ADSL: variants seen among roughly 807,000 people sequenced by gnomAD.
ADSL encodes adenylosuccinase.
ADSL carries 44 observed loss-of-function variants against 62.1 expected under a neutral mutation model. The ratio of observed to expected loss-of-function variants is 0.71; its 90% CI spans 0.56 to 0.91. The LOEUF is 0.91. Among genes scored for constraint, ADSL ranks in the 40% least tolerant of loss-of-function variants. The pLI is 0.00. For synonymous variants in ADSL, 198 were observed against 220.5 expected, an observed-to-expected ratio of 0.90 and a Z score of 0.90; for missense variants, 531 against 627.4, an observed-to-expected ratio of 0.85 and a Z score of 1.64.
At chr22:40,377,252 A>T (rs1601721233) in intron 2 of ADSL, among the ~76,000 whole-genome samples, 2 of 152,222 alleles carry the variant, frequency 1.3e-5, no homozygotes, top group African/African-American at 4.8e-5. Context: ...AGGCAAATAG[A>T]TGCTTTCCTC....
intron 2 of ADSL, among the ~76,000 whole-genome samples, chr22:40,351,671 A>G (rs974575632): frequency 3.3e-5 from 5 of 152,126 alleles, no homozygotes; most frequent in Non-Finnish European, 5.9e-5. Flanking sequence ...TAAACGTCCA[A>G]TTTGAGAATA....
rs1466301003 is a variant in ADSL, at chr22:40,368,722, T to C, written c.*2200T>C. ...CAGGTGGATCACCTGAGGTCAGGAG[T>C]TCGAGACCAGCTTGACCGACAAGGT... On this transcript the variant is annotated 3_prime_UTR_variant, in exon 13 of 13. Transcript: ENST00000623063. The C allele has an allele frequency of 6.6e-6, 1 of 151,858 alleles. No individual in the cohort carries two copies. Among genetic ancestry groups the C allele is most frequent in the Non-Finnish European group, 1.5e-5 (1 of 68,028 alleles). The allele number at this position is 151,858 out of a possible 1,614,324, so 9.4% of individuals were successfully genotyped here.
At position 40,367,044 on chromosome 22, in the gene ADSL, C is replaced by G. The variant is rs2045028747; in HGVS notation, c.*522C>G. On this transcript the variant is annotated 3_prime_UTR_variant, in exon 13 of 13. Coordinates refer to ENST00000623063, the MANE Select transcript of ADSL (RefSeq NM_000026.4). The stretch of plus-strand genomic sequence containing the variant: ...TCAGGCTGATTGAGCTGAAGTTGTG[C>G]CCAAGCTCATTTCATCTTTTGATAA... 1 of 163,654 alleles carries G rather than the reference C, an allele frequency of 6.1e-6. No individual in the cohort carries two copies. The highest frequency in any genetic ancestry group is 2.4e-5 in the African/African-American group (1 of 41,174). The allele number at this position is 163,654 out of a possible 1,614,324, so 10.1% of individuals were successfully genotyped here. A position where few individuals can be genotyped will look rare whatever the true frequency, so the allele number is the denominator to read the frequency against.
chr22:40,346,576 T>A lies in ADSL; in HGVS notation c.18T>A (p.Asp6Glu), dbSNP rs756636478. 1.1e-5 allele frequency: 18 copies of A among 1,605,610 alleles called. No homozygotes were observed. Among genetic ancestry groups the A allele is most frequent in the Non-Finnish European group, 1.4e-5 (17 of 1,177,212 alleles). ...GGGTTGGGATGGCGGCTGGAGGCGATCATGGTTCGCCCGACAGCTACCGCT... is the reference window on the plus strand; with the variant it reads ...GGGTTGGGATGGCGGCTGGAGGCGAACATGGTTCGCCCGACAGCTACCGCT... MAAGG[D>E]HGSPDSYRSP... is the part of the protein sequence containing the mutation. Residue 6 changes from aspartate to glutamate, a missense_variant, in exon 1 of 13, where the codon GAT becomes GAA. Asp to Glu is a conservative substitution (Grantham distance 45, BLOSUM62 2). Coordinates refer to ENST00000623063, the MANE Select transcript of ADSL (RefSeq NM_000026.4).
At chr22:40,376,249 T>C (rs532124721) in intron 2 of ADSL, 2 of 128,952 alleles carry the variant, frequency 1.6e-5, no homozygotes, top group East Asian at 4.8e-4. Context: ...GCACCAACAA[T>C]GAAGTTCAAC....
intron 2 of ADSL, among the ~76,000 whole-genome samples, chr22:40,375,004 T>G (rs891005046): frequency 3.3e-5 from 5 of 152,218 alleles, no homozygotes; most frequent in Non-Finnish European, 5.9e-5. Context: ...GCTACATATA[T>G]AATCACCTCC....
At chr22:40,354,855 C>A (rs539223966) in intron 4 of ADSL, among the ~76,000 whole-genome samples, 111 of 135,918 alleles carry the variant, frequency 8.2e-4, no homozygotes, top group South Asian at 1.6e-3. Context: ...GGTGACAGAG[C>A]AAGACTCCGT....
In ADSL at chr22:40,367,620, T is replaced by A. The variant is rs199650962; in HGVS notation, c.*1098T>A. 6.0e-6 allele frequency: 1 copy of A among 167,226 alleles called. No individual in the cohort carries two copies. Among genetic ancestry groups the A allele is most frequent in the Admixed American group, 6.5e-5 (1 of 15,290 alleles). The allele number at this position is 167,226 out of a possible 1,614,324, so 10.4% of individuals were successfully genotyped here. On this transcript the variant is annotated 3_prime_UTR_variant, in exon 13 of 13. Transcript: ENST00000623063. The stretch of plus-strand genomic sequence containing the variant: ...CTTGTTGCATGGATTTATAGCTGAT[T>A]GAAGCAACTGTAGCCAAAGATTGAG...
chr22:40,348,626 C>T (rs761605682), intron 1 of ADSL: 8 of 398,484 alleles, frequency 2.0e-5, no homozygotes, highest in African/African-American at 6.2e-5. Context: ...AGCGATCCAC[C>T]GACCTTGGCC....
At chr22:40,370,065 C>T (rs1240159688), downstream of ADSL, among the ~76,000 whole-genome samples, 1 of 152,116 alleles carries the variant, frequency 6.6e-6, no homozygotes, top group East Asian at 1.9e-4. Flanking sequence ...TCCGGCCTGG[C>T]GCGGTGGCTC....
At chr22:40,366,405 CT>C (rs1174559683) in intron 12 of ADSL, 30 bp from the exon 13 acceptor site, 1 of 1,489,844 alleles carries the variant, frequency 6.7e-7, no homozygotes, top group Non-Finnish European at 9.4e-7. Flanking sequence ...TTAACATTTT[CT>C]TTTGTCTTGT....
chr22:40,370,505 G>T (rs1189254536), downstream of ADSL: 1 of 152,378 alleles, frequency 6.6e-6, no homozygotes. Context: ...TGGGATGGGG[G>T]CGCAAAGCCC....
intron 1 of ADSL, chr22:40,348,837 C>T (rs1015894173): frequency 3.5e-5 from 13 of 366,966 alleles, no homozygotes; most frequent in Non-Finnish European, 6.3e-5. Flanking sequence ...AGTTTCACCA[C>T]TGTTTGTATT....
At chr22:40,366,251 C>T (rs1284781718) in intron 12 of ADSL, among the ~76,000 whole-genome samples, 185 bp from the exon 13 acceptor site, 1 of 152,106 alleles carries the variant, frequency 6.6e-6, no homozygotes, top group Admixed American at 6.5e-5. Flanking sequence ...AGCATGTGGG[C>T]ATGGTGGTTG....
chr22:40,364,159 C>T (rs2044904553), intron 10 of ADSL, 117 bp from the exon 11 acceptor site: 1 of 770,500 alleles, frequency 1.3e-6, no homozygotes, highest in Admixed American at 2.0e-5. Flanking sequence ...CAACTTGTTA[C>T]TCTCCATAAT....
intron 9 of ADSL, among the ~76,000 whole-genome samples, chr22:40,362,722 C>T (rs181085044): frequency 6.6e-6 from 1 of 152,184 alleles, no homozygotes; most frequent in East Asian, 1.9e-4. Flanking sequence ...GAGAAAGTGG[C>T]TGAGTTCAGT....
intron 2 of ADSL, among the ~76,000 whole-genome samples, chr22:40,376,721 A>T (rs751945610): frequency 7.0e-6 from 1 of 143,714 alleles, no homozygotes; most frequent in Non-Finnish European, 1.5e-5. Context: ...TGGTGGAGTC[A>T]GGATTAGAAC....
At chr22:40,378,465 A>T (rs1296873104) in intron 2 of ADSL, among the ~76,000 whole-genome samples, 4 of 151,858 alleles carry the variant, frequency 2.6e-5, no homozygotes, top group Admixed American at 1.3e-4. Flanking sequence ...ACGGTGGCTG[A>T]TGCCTGTCAT....
chr22:40,347,043 C>G (rs1395474217), intron 1 of ADSL, among the ~76,000 whole-genome samples: 1 of 152,220 alleles, frequency 6.6e-6, no homozygotes. Flanking sequence ...TTGTTTCGTA[C>G]TGTTGTGCTC....
Sources: gnomAD v4.1 joint callset for allele counts (sites outside exome capture counted in the v4.1 genomes callset) on GRCh38, gnomAD v4.1.1 for gene constraint, MANE v1.5 for transcripts, NCBI Gene and HGNC (gene_info 2026-07-23, HGNC 2026-07-21) for gene names.